COQ7: variants seen among roughly 807,000 people sequenced by gnomAD.
COQ7 encodes NADPH-dependent 3-demethoxyubiquinone 3-hydroxylase, mitochondrial.
COQ7 carries 21 observed loss-of-function variants against 25.0 expected under a neutral mutation model. The ratio of observed to expected loss-of-function variants is 0.84; its 90% CI spans 0.60 to 1.21. The LOEUF (loss-of-function observed/expected upper bound fraction) is 1.21, where lower values mean the gene tolerates loss of function less well. Ranked by LOEUF, COQ7 falls within the 50% of genes most tolerant of loss-of-function variation. The pLI is 0.00. For missense variants in COQ7, 311 were observed against 296.2 expected (o/e 1.05, Z -0.37); for synonymous variants, 125 against 112.4 (o/e 1.11, Z -0.71).
intron 2 of COQ7, among the ~76,000 whole-genome samples, chr16:19,072,660 C>T (rs2142373708): frequency 6.6e-6 from 1 of 152,286 alleles, no homozygotes; most frequent in African/African-American, 2.4e-5. Flanking sequence ...CAAGTTAGTA[C>T]AAGTTAAATG....
chr16:19,071,984 A>G lies in COQ7; in HGVS notation c.130A>G (p.Ile44Val), dbSNP rs1415530697. Residue 44 changes from isoleucine to valine, a missense_variant, in exon 2 of 6, where the codon ATC (isoleucine) becomes GTC (valine). Physicochemically the swap from Ile to Val is conservative, Grantham distance 29 (BLOSUM62 3). Transcript: ENST00000321998. Reference protein sequence around the residue: ...FRSSGMTLDNISRAAVDRIIR... With the variant: ...FRSSGMTLDNVSRAAVDRIIR... ...CAGTTCAGGAATGACTTTAGACAAT[A>G]TCAGTCGGGCAGCTGTGGATCGAAT... The G allele has an allele frequency of 1.2e-6, 2 of 1,614,148 alleles. No homozygotes were observed. Among genetic ancestry groups the G allele is most frequent in the African/African-American group, 1.3e-5 (1 of 74,948 alleles).
chr16:19,067,894 C>T (rs1436602185), intron 1 of COQ7, 157 bp downstream of exon 1: 5 of 1,489,334 alleles, frequency 3.4e-6, no homozygotes, highest in Non-Finnish European at 2.7e-6. Context: ...GGGGCGCTGG[C>T]GGGCGGGGCG....
At chr16:19,070,637 G>A (rs575784092) in intron 1 of COQ7, among the ~76,000 whole-genome samples, 2 of 152,212 alleles carry the variant, frequency 1.3e-5, no homozygotes, top group Admixed American at 6.5e-5. Context: ...TGGAGTCCTA[G>A]CTGCTCTAGA....
At chr16:19,074,102 C>T in intron 3 of COQ7, 67 bp downstream of exon 3, 2 of 1,206,614 alleles carry the variant, frequency 1.7e-6, no homozygotes, top group African/African-American at 1.5e-5. Context: ...CTTCAGGTAT[C>T]ATGTTCACAA....
At chr16:19,082,489 A>G (rs900652602), downstream of COQ7, among the ~76,000 whole-genome samples, 1 of 151,920 alleles carries the variant, frequency 6.6e-6, no homozygotes, top group African/African-American at 2.4e-5. Context: ...TTGAGAAGAA[A>G]AAAAAAAAAG....
In COQ7 at chr16:19,072,192, C is replaced by T. The variant is rs1024616901; in HGVS notation, c.252+86C>T. 32 of 1,518,568 alleles carry T rather than the reference C, an allele frequency of 2.1e-5. No individual in the cohort carries two copies. The Admixed American group carries it at 2.3e-4, about 11-fold the overall frequency. 94.1% of individuals were successfully genotyped at this position (1,518,568 alleles called of 1,614,324 possible). On this transcript the variant is annotated intron_variant, in intron 2 of 5. Coordinates refer to ENST00000321998, the MANE Select transcript of COQ7 (RefSeq NM_016138.5). ...AAGTAATGAATCATGGGAGGTCAAG[C>T]GTTCCCTAGGGAGATGCCATTGTCT...
chr16:19,081,442 A>C (rs1301657979), downstream of COQ7, among the ~76,000 whole-genome samples: 2 of 152,198 alleles, frequency 1.3e-5, no homozygotes, highest in Non-Finnish European at 2.9e-5. Flanking sequence ...GTCCTTGTAC[A>C]GGGCTCCTAA....
At chr16:19,076,791 C>T (rs1413948277) in intron 4 of COQ7, among the ~76,000 whole-genome samples, 1 of 151,692 alleles carries the variant, frequency 6.6e-6, no homozygotes, top group Admixed American at 6.6e-5. Flanking sequence ...GGGGTTTCAC[C>T]ATGTTGGCCA....
intron 1 of COQ7, chr16:19,067,949 T>A: frequency 6.9e-7 from 1 of 1,440,028 alleles, no homozygotes; most frequent in Non-Finnish European, 9.1e-7. Context: ...CAGGGGTTGT[T>A]TCGGCAGTGA....
At chr16:19,077,949 A>C (rs534266918) in intron 5 of COQ7, 132 bp from the exon 6 acceptor site, 5 of 587,146 alleles carry the variant, frequency 8.5e-6, no homozygotes, top group Admixed American at 3.8e-5. Flanking sequence ...GCTTTCTTTG[A>C]AACTAAAATA....
At chr16:19,075,670 T>G in intron 3 of COQ7, 51 bp from the exon 4 acceptor site, 1 of 1,519,036 alleles carries the variant, frequency 6.6e-7, no homozygotes, top group African/African-American at 1.4e-5. Context: ...TGGTCTCCAT[T>G]ACCGGTCATA....
At chr16:19,070,804 TGACCCTTA>T (rs1360927797) in intron 1 of COQ7, among the ~76,000 whole-genome samples, 1 of 150,970 alleles carries the variant, frequency 6.6e-6, no homozygotes, top group Non-Finnish European at 1.5e-5. Flanking sequence ...ACAAACTAAA[TGACCCTTA>T]GGTCACTATT....
intron 5 of COQ7, among the ~76,000 whole-genome samples, chr16:19,077,604 T>TTTTTTTTTTTC (rs1555522742): frequency 7.0e-6 from 1 of 143,616 alleles, no homozygotes; most frequent in African/African-American, 2.6e-5. Flanking sequence ...TTTTTTTTTT[T>TTTTTTTTTTTC]CCCAGACACA....
At chr16:19,082,183 G>A (rs1596841556), downstream of COQ7, among the ~76,000 whole-genome samples, 2 of 152,202 alleles carry the variant, frequency 1.3e-5, no homozygotes, top group East Asian at 3.8e-4. Flanking sequence ...ATAAAGTAGT[G>A]ATACATGATA....
At chr16:19,074,194 G>A (rs1962712925) in intron 3 of COQ7, 159 bp downstream of exon 3, 2 of 535,636 alleles carry the variant, frequency 3.7e-6, no homozygotes, top group Admixed American at 7.1e-5. Flanking sequence ...TTTTGTGTGT[G>A]GTTAAATTTA....
intron 2 of COQ7, 166 bp downstream of exon 2, chr16:19,072,272 T>G (rs1050417862): frequency 1.7e-5 from 12 of 716,440 alleles, no homozygotes; most frequent in Middle Eastern, 3.9e-4. Context: ...AGCATATTGT[T>G]CTTTTTATGG....
At position 19,072,280 on chromosome 16, in the gene COQ7, T is replaced by G. The variant is rs1425214747; in HGVS notation, c.252+174T>G. On this transcript the variant is annotated intron_variant, in intron 2 of 5. Coordinates refer to ENST00000321998, the MANE Select transcript of COQ7 (RefSeq NM_016138.5). ...AGCAAAAAGCATATTGTTCTTTTTATGGATAAAGCACAGAGAGACATCTAG... is the reference window on the plus strand; with the variant it reads ...AGCAAAAAGCATATTGTTCTTTTTAGGGATAAAGCACAGAGAGACATCTAG... 1.0e-5 allele frequency: 7 copies of G among 687,702 alleles called. No homozygotes were observed. In the African/African-American group the frequency reaches 1.3e-4, roughly 12 times the overall value. 42.6% of individuals were successfully genotyped at this position (687,702 alleles called of 1,614,324 possible).
At chr16:19,076,370 T>C (rs1962840313) in intron 4 of COQ7, among the ~76,000 whole-genome samples, 1 of 151,226 alleles carries the variant, frequency 6.6e-6, no homozygotes, top group Non-Finnish European at 1.5e-5. Context: ...GCTAGAATTA[T>C]AGGCATGAAC....
intron 1 of COQ7, among the ~76,000 whole-genome samples, chr16:19,069,732 C>T (rs988899389): frequency 1.3e-5 from 2 of 150,518 alleles, no homozygotes; most frequent in Admixed American, 6.7e-5. Context: ...TAAGAAATGT[C>T]GATCCTGATT....
Sources: gnomAD v4.1 joint callset for allele counts (sites outside exome capture counted in the v4.1 genomes callset) on GRCh38, gnomAD v4.1.1 for gene constraint, MANE v1.5 for transcripts, NCBI Gene and HGNC (gene_info 2026-07-23, HGNC 2026-07-21) for gene names.